The following TTC28 variants were observed in gnomAD, a reference collection of about 807,000 sequenced individuals.
The protein encoded by TTC28 is tetratricopeptide repeat protein 28.
In TTC28, 61 loss-of-function variants were observed where a neutral mutation model predicts 198.0. The ratio of observed to expected loss-of-function variants is 0.31; its 90% confidence interval spans 0.25 to 0.38. TTC28 has a LOEUF of 0.38. Among genes scored for constraint, TTC28 ranks in the 10% least tolerant of loss-of-function variants. The pLI is 1.00. For missense variants in TTC28, 2,678 were observed against 3,164.0 expected, an observed-to-expected ratio of 0.85 and a Z score of 3.69; for synonymous variants, 1,171 against 1,297.8, an observed-to-expected ratio of 0.90 and a Z score of 2.10.
chr22:27,995,494 A>G (rs1240688371), intron 17 of TTC28, among the ~76,000 whole-genome samples: 3 of 152,142 alleles, frequency 2.0e-5, no homozygotes, highest in African/African-American at 7.2e-5. Flanking sequence ...GACTCAGTTG[A>G]TAACTTTACA....
rs1270070305 is a variant in TTC28, at chr22:28,014,374, C to A, written c.4092G>T (p.Thr1364=). The change falls in exon 14 of 23, where the codon ACG becomes ACT. Residue 1364 remains threonine, a synonymous_variant. Coordinates refer to ENST00000397906, the MANE Select transcript of TTC28 (RefSeq NM_001145418.2). The stretch of plus-strand genomic sequence containing the variant: ...GTGACACAGTGTTACTGAACAGGCT[C>A]GTCATGCTCTGGCAGCTCCTGGGGA... The part of the protein sequence containing the change: ...NLFNRSCQSM[T]SLFSNTVSPT... 6.4e-7 allele frequency: 1 copy of A among 1,550,730 alleles called. No individual in the cohort carries two copies. Among genetic ancestry groups the A allele is most frequent in the Non-Finnish European group, 8.7e-7 (1 of 1,146,572 alleles).
At chr22:28,177,578 T>C (rs1923287285) in intron 5 of TTC28, among the ~76,000 whole-genome samples, 1 of 152,238 alleles carries the variant, frequency 6.6e-6, no homozygotes, top group Non-Finnish European at 1.5e-5. Flanking sequence ...GTTTTATTCA[T>C]AATTGCTAAA....
chr22:28,639,966 C>G (rs1038518925), intron 1 of TTC28, among the ~76,000 whole-genome samples: 6 of 152,004 alleles, frequency 3.9e-5, no homozygotes, highest in Admixed American at 3.9e-4. Context: ...AGACTTGATA[C>G]AGCTAACAAC....
At chr22:28,106,087 T>G (rs562374947) in intron 7 of TTC28, among the ~76,000 whole-genome samples, 208 of 152,324 alleles carry the variant, frequency 1.4e-3, no homozygotes, top group Middle Eastern at 3.4e-3. Context: ...GGCACAATGA[T>G]AGCAAGTGAA....
chr22:28,321,624 T>C (rs971751607), intron 2 of TTC28, among the ~76,000 whole-genome samples: 4 of 152,174 alleles, frequency 2.6e-5, no homozygotes, highest in African/African-American at 9.7e-5. Flanking sequence ...TTGCAGGGTA[T>C]TGTGAGGGTT....
intron 2 of TTC28, among the ~76,000 whole-genome samples, chr22:28,418,876 A>G (rs911042960): frequency 2.0e-5 from 3 of 152,168 alleles, no homozygotes; most frequent in Admixed American, 2.0e-4. Flanking sequence ...CAGAAGAAGA[A>G]AGGTATTTTT....
intron 19 of TTC28, 120 bp from the exon 20 acceptor site, chr22:27,990,932 G>A (rs554950896): frequency 4.3e-5 from 44 of 1,021,374 alleles, no homozygotes; most frequent in Admixed American, 3.8e-4. Context: ...CACCAGGCCC[G>A]CGGCTCTGAC....
At chr22:28,308,558 T>C (rs2045189903) in intron 2 of TTC28, among the ~76,000 whole-genome samples, 1 of 152,144 alleles carries the variant, frequency 6.6e-6, no homozygotes, top group Admixed American at 6.6e-5. Flanking sequence ...GATTTTCCTG[T>C]CTGCCAAATA....
intron 11 of TTC28, among the ~76,000 whole-genome samples, chr22:28,095,132 A>G (rs1652942087): frequency 6.6e-6 from 1 of 152,162 alleles, no homozygotes; most frequent in African/African-American, 2.4e-5. Flanking sequence ...CCACTCTGGG[A>G]GCTGGGATCC....
intron 5 of TTC28, among the ~76,000 whole-genome samples, chr22:28,277,075 A>G (rs1000786039): frequency 1.3e-5 from 2 of 152,154 alleles, no homozygotes; most frequent in African/African-American, 4.8e-5. Context: ...AGAGACTAAA[A>G]TAATAAAAAA....
chr22:28,315,368 G>T (rs932055832), intron 2 of TTC28, among the ~76,000 whole-genome samples: 2 of 151,690 alleles, frequency 1.3e-5, no homozygotes, highest in African/African-American at 4.8e-5. Flanking sequence ...TTTAGTTTTT[G>T]ATATTGCTTC....
intron 2 of TTC28, among the ~76,000 whole-genome samples, chr22:28,494,126 T>C (rs186508427): frequency 6.6e-5 from 10 of 152,310 alleles, no homozygotes; most frequent in Non-Finnish European, 1.3e-4. Context: ...CTTTGTTCTT[T>C]AAAAATGTCT....
chr22:28,466,333 T>C (rs945170396), intron 2 of TTC28, among the ~76,000 whole-genome samples: 1 of 152,160 alleles, frequency 6.6e-6, no homozygotes, highest in African/African-American at 2.4e-5. Flanking sequence ...CAGCAGTAAA[T>C]TTACTAAGAA....
chr22:28,516,114 C>T (rs2048781522), intron 2 of TTC28, among the ~76,000 whole-genome samples: 1 of 150,358 alleles, frequency 6.7e-6, no homozygotes, highest in Non-Finnish European at 1.5e-5. Context: ...CATTACACTC[C>T]AGCCTGGGTG....
chr22:28,441,010 G>A (rs1413834277), intron 2 of TTC28, among the ~76,000 whole-genome samples: 1 of 152,162 alleles, frequency 6.6e-6, no homozygotes, highest in Non-Finnish European at 1.5e-5. Flanking sequence ...ATGATGATAT[G>A]AGATTATGAA....
chr22:28,608,101 G>A (rs573807309), intron 2 of TTC28, among the ~76,000 whole-genome samples: 137 of 152,288 alleles, frequency 9.0e-4, no homozygotes, highest in Admixed American at 2.5e-3. Context: ...ACCAACACAA[G>A]AAGTGTTTCT....
At chr22:28,158,059 C>T (rs1174292923) in intron 6 of TTC28, among the ~76,000 whole-genome samples, 1 of 151,874 alleles carries the variant, frequency 6.6e-6, no homozygotes, top group Non-Finnish European at 1.5e-5. Flanking sequence ...CTGATAAAGT[C>T]CACAAAGTTG....
intron 2 of TTC28, among the ~76,000 whole-genome samples, chr22:28,339,271 C>T (rs1049252911): frequency 6.6e-6 from 1 of 152,130 alleles, no homozygotes; most frequent in Non-Finnish European, 1.5e-5. Context: ...CAGAGGAGTA[C>T]CTGGCTGTGT....
intron 2 of TTC28, among the ~76,000 whole-genome samples, chr22:28,350,697 G>A (rs146827040): frequency 3.0e-4 from 46 of 152,206 alleles, no homozygotes; most frequent in African/African-American, 1.1e-3. Flanking sequence ...AAGCCATCAC[G>A]ACAATGCAAT....
Sources: gnomAD v4.1 joint callset for allele counts (sites outside exome capture counted in the v4.1 genomes callset) on GRCh38, gnomAD v4.1.1 for gene constraint, MANE v1.5 for transcripts, NCBI Gene and HGNC (gene_info 2026-07-23, HGNC 2026-07-21) for gene names.